The following GRM7 variants were observed in gnomAD, a reference collection of about 807,000 sequenced individuals.
GRM7 encodes the protein glutamate metabotropic receptor 7.
Under a neutral mutation model 84.5 loss-of-function variants are expected in GRM7, and 35 were observed. The observed-to-expected ratio is 0.41, with a 90% CI of 0.32 to 0.55. GRM7 has a LOEUF of 0.55. Among genes scored for constraint, GRM7 ranks in the 20% least tolerant of loss-of-function variants. The probability of loss-of-function intolerance (pLI) is 0.19; values close to 1 mark genes in which losing one functional copy is unlikely to be tolerated. For missense variants in GRM7, 1,003 were observed against 1,194.6 expected (o/e 0.84, Z 2.36); for synonymous variants, 487 against 455.1 (o/e 1.07, Z -0.89).
At chr3:7,437,198 A>G (rs1437064948) in intron 5 of GRM7, among the ~76,000 whole-genome samples, 1 of 152,212 alleles carries the variant, frequency 6.6e-6, no homozygotes, top group Non-Finnish European at 1.5e-5. Flanking sequence ...TATTTTTAAA[A>G]GAGTGAGATA....
At chr3:7,407,018 T>C (rs1327176103) in intron 4 of GRM7, among the ~76,000 whole-genome samples, 2 of 152,076 alleles carry the variant, frequency 1.3e-5, no homozygotes, top group Admixed American at 1.3e-4. Context: ...AGGCAAGAGA[T>C]TAGAAAGGCA....
intron 2 of GRM7, among the ~76,000 whole-genome samples, chr3:7,297,996 G>T (rs939632906): frequency 6.6e-6 from 1 of 152,138 alleles, no homozygotes; most frequent in African/African-American, 2.4e-5. Context: ...GACAAGTTTG[G>T]AGTTAACATA....
intron 4 of GRM7, among the ~76,000 whole-genome samples, chr3:7,345,615 C>T (rs114516514): frequency 0.017 from 2,551 of 152,086 alleles, 65 homozygotes; most frequent in African/African-American, 0.058. Flanking sequence ...TGCTGATGCC[C>T]GGCAGAAATT....
At position 7,358,572 on chromosome 3, in the gene GRM7, G is replaced by T. The variant is rs562447165; in HGVS notation, c.1033+51920G>T. On this transcript the variant is annotated intron_variant, in intron 4 of 9. Transcript: ENST00000357716. ...TCACAATATATTTTAATCTCATAAA[G>T]GTTCTGAGAAGTCCCGAAATAAGTG... is the stretch of plus-strand genomic sequence containing the variant. 2.5e-4 allele frequency among the ~76,000 whole-genome samples: 37 copies of T among 148,206 alleles called. 4 individuals are homozygous for T. The highest frequency in any genetic ancestry group is 8.4e-4 in the African/African-American group (33 of 39,166).
At chr3:7,027,090 A>C (rs777270983) in intron 1 of GRM7, among the ~76,000 whole-genome samples, 3 of 152,174 alleles carry the variant, frequency 2.0e-5, no homozygotes, top group Non-Finnish European at 2.9e-5. Flanking sequence ...CTCTTATTGA[A>C]GTTATTCTTG....
intron 7 of GRM7, among the ~76,000 whole-genome samples, chr3:7,577,172 C>A (rs1235416203): frequency 1.3e-5 from 2 of 152,162 alleles, no homozygotes; most frequent in African/African-American, 4.8e-5. Context: ...ATCTCTGACC[C>A]AATATCTGTG....
At chr3:7,008,892 C>A (rs1695273328) in intron 1 of GRM7, among the ~76,000 whole-genome samples, 1 of 152,110 alleles carries the variant, frequency 6.6e-6, no homozygotes. Flanking sequence ...TAAAACACTC[C>A]ACTCCTGTCA....
intron 8 of GRM7, among the ~76,000 whole-genome samples, chr3:7,659,693 A>G (rs562073526): frequency 3.8e-4 from 58 of 152,366 alleles, no homozygotes; most frequent in Admixed American, 3.3e-3. Flanking sequence ...TTATAAATCT[A>G]TAAAACTGAT....
At chr3:7,303,222 G>A (rs1391274724) in intron 3 of GRM7, among the ~76,000 whole-genome samples, 1 of 152,058 alleles carries the variant, frequency 6.6e-6, no homozygotes, top group African/African-American at 2.4e-5. Context: ...TTACAGGCGT[G>A]AGCCACCGTG....
chr3:7,246,156 G>A (rs1295326575), intron 2 of GRM7, among the ~76,000 whole-genome samples: 5 of 152,000 alleles, frequency 3.3e-5, no homozygotes, highest in Non-Finnish European at 5.9e-5. Flanking sequence ...TGATTACAAT[G>A]GAACTTTGGT....
intron 1 of GRM7, among the ~76,000 whole-genome samples, chr3:7,140,172 T>C (rs1693901467): frequency 6.6e-6 from 1 of 151,776 alleles, no homozygotes; most frequent in Admixed American, 6.6e-5. Flanking sequence ...TGAGGATGTG[T>C]AGAGAAGGTC....
chr3:7,729,046 T>C (rs913293448), intron 9 of GRM7, among the ~76,000 whole-genome samples: 4 of 48,336 alleles, frequency 8.3e-5, no homozygotes, highest in Non-Finnish European at 1.8e-4. Context: ...CTCAGGCTTT[T>C]TTTTTTTTTT....
At chr3:7,335,258 G>T (rs896451186) in intron 4 of GRM7, among the ~76,000 whole-genome samples, 1 of 152,012 alleles carries the variant, frequency 6.6e-6, no homozygotes, top group Non-Finnish European at 1.5e-5. Context: ...ACTCCAAGAG[G>T]AACCTTTAAA....
chr3:7,490,816 G>A (rs916187304), intron 7 of GRM7, among the ~76,000 whole-genome samples: 2 of 151,990 alleles, frequency 1.3e-5, no homozygotes, highest in Admixed American at 1.3e-4. Context: ...GTATGAACAA[G>A]TATTTCAGAA....
intron 1 of GRM7, among the ~76,000 whole-genome samples, chr3:7,020,263 G>C (rs566646800): frequency 6.6e-6 from 1 of 152,314 alleles, no homozygotes; most frequent in African/African-American, 2.4e-5. Context: ...TGAAAAGCCT[G>C]TATACTGTAT....
At chr3:7,423,829 A>T in intron 5 of GRM7, among the ~76,000 whole-genome samples, 1 of 152,148 alleles carries the variant, frequency 6.6e-6, no homozygotes, top group East Asian at 1.9e-4. Context: ...TTCTGTGAAG[A>T]GGAGATCCAG....
chr3:7,405,903 T>A (rs992135757), intron 4 of GRM7, among the ~76,000 whole-genome samples: 6 of 151,998 alleles, frequency 3.9e-5, no homozygotes, highest in African/African-American at 1.4e-4. Flanking sequence ...GTGTTATTAC[T>A]ATTGACACTG....
chr3:7,384,271 T>G (rs1238269704), intron 4 of GRM7, among the ~76,000 whole-genome samples: 1 of 152,128 alleles, frequency 6.6e-6, no homozygotes, highest in Non-Finnish European at 1.5e-5. Flanking sequence ...TCTGGTGACC[T>G]GCCCACCTTG....
intron 4 of GRM7, among the ~76,000 whole-genome samples, chr3:7,376,145 G>A (rs111800438): frequency 6.6e-6 from 1 of 152,108 alleles, no homozygotes; most frequent in Admixed American, 6.5e-5. Context: ...CTGACTTAGT[G>A]TCTGCATCAT....
Sources: allele counts gnomAD v4.1 joint callset (sites outside exome capture counted in the v4.1 genomes callset), GRCh38; gene constraint gnomAD v4.1.1; transcripts MANE v1.5; gene names NCBI Gene and HGNC (gene_info 2026-07-23, HGNC 2026-07-21).